PAK3: variants seen among roughly 807,000 people sequenced by gnomAD.
PAK3 encodes serine/threonine-protein kinase PAK 3.
In PAK3, 4 loss-of-function variants were observed where a neutral mutation model predicts 41.0. That is an observed-to-expected ratio of 0.10 (90% confidence interval 0.05 to 0.22). The LOEUF (loss-of-function observed/expected upper bound fraction) is 0.22, where lower values mean the gene tolerates loss of function less well. Ranked by LOEUF, PAK3 falls within the 10% of genes least tolerant of loss-of-function variation. The pLI, the probability that PAK3 is intolerant of heterozygous loss-of-function variation, is 1.00. For synonymous variants in PAK3, 146 were observed against 139.6 expected, an observed-to-expected ratio of 1.05 and a Z score of -0.32; for missense variants, 205 against 409.9, an observed-to-expected ratio of 0.50 and a Z score of 4.32.
At chrX:110,988,370 G>T (rs2091584480) in intron 1 of PAK3, among the ~76,000 whole-genome samples, 1 of 111,185 alleles carries the variant, frequency 9.0e-6, no homozygotes, top group African/African-American at 3.3e-5. Context: ...GAAATAACAG[G>T]GTACACTGCA....
chrX:111,043,844 G>C (rs7060284), intron 1 of PAK3, among the ~76,000 whole-genome samples: 3,216 of 110,903 alleles, frequency 0.029, 106 homozygotes, highest in African/African-American at 0.099. Context: ...ATTGGATCTG[G>C]ACTATGATTT....
At chrX:111,003,070 A>G (rs2091872858) in intron 1 of PAK3, among the ~76,000 whole-genome samples, 1 of 111,881 alleles carries the variant, frequency 8.9e-6, no homozygotes, top group Non-Finnish European at 1.9e-5. Context: ...ACTGGTCTAG[A>G]CTGACAAGCA....
chrX:111,223,962 T>G lies in PAK3; in HGVS notation c.*3515T>G, dbSNP rs2094940389. 1.8e-5 allele frequency: 2 copies of G among 111,943 alleles called. No individual in the cohort carries two copies. The highest frequency in any genetic ancestry group is 1.9e-4 in the Admixed American group (2 of 10,538). The allele number at this position is 111,943 out of a possible 1,213,427, so 9.2% of individuals were successfully genotyped here. On this transcript the variant is annotated 3_prime_UTR_variant, in exon 18 of 18. Transcript: ENST00000372007. ...TTTTTTTTCTTTTTAAAATTTTATT[T>G]GATATTGTTATAATATTGCTTTACA...
rs187331053 is a variant in PAK3 at position 111,219,235 on chromosome X, T to G, written c.1546-1123T>G. Among the ~76,000 whole-genome samples the G allele has an allele frequency of 3.8e-3, 387 of 102,406 alleles. 5 individuals carry two copies. The highest frequency in any genetic ancestry group is 0.013 in the African/African-American group (359 of 27,198). The allele number at this position is 102,406 out of a possible 115,157, so 88.9% of individuals were successfully genotyped here. A position where few individuals can be genotyped will look rare whatever the true frequency, so the allele number is the denominator to read the frequency against. On this transcript the variant is annotated intron_variant, in intron 17 of 17. Coordinates refer to ENST00000372007, the MANE Select transcript of PAK3 (RefSeq NM_002578.5). ...ATAATAATAATAATAATAATAATAA[T>G]AAGCAAGAGATAAATGTAAGAGACG...
rs374541387 is a variant in PAK3 at position 111,096,421 on chromosome X, T to A, written c.-353+6T>A. ...GGTGGCTGGATCCGTGGCAGGTAAA[T>A]CCCGCGACTAACTGCACCCGGGCTA... is the stretch of plus-strand genomic sequence containing the variant. On this transcript the variant is annotated splice_donor_region_variant and intron_variant, in intron 1 of 17. Transcript: ENST00000372007. 22 of 110,744 alleles carry A rather than the reference T, an allele frequency of 2.0e-4. No individual in the cohort carries two copies. The highest frequency in any genetic ancestry group is 6.3e-4 in the African/African-American group (19 of 30,273). The allele number at this position is 110,744 out of a possible 1,213,427, so 9.1% of individuals were successfully genotyped here.
At chrX:111,162,265 T>G (rs749735558) in intron 8 of PAK3, among the ~76,000 whole-genome samples, 1 of 111,933 alleles carries the variant, frequency 8.9e-6, no homozygotes, top group Non-Finnish European at 1.9e-5. Flanking sequence ...CACAATACTG[T>G]CGTATTATTG....
chrX:111,051,370 G>T (rs2092556204), intron 1 of PAK3, among the ~76,000 whole-genome samples: 1 of 111,671 alleles, frequency 9.0e-6, no homozygotes, highest in Non-Finnish European at 1.9e-5. Context: ...TTGTCTAGCG[G>T]AAGCCTTTCC....
intron 5 of PAK3, among the ~76,000 whole-genome samples, chrX:111,140,991 A>G (rs2093863041): frequency 8.9e-6 from 1 of 112,213 alleles, no homozygotes; most frequent in Non-Finnish European, 1.9e-5. Context: ...GAATGTTCTA[A>G]ATTGACCGCC....
chrX:111,055,144 C>T (rs1418930480), intron 1 of PAK3, among the ~76,000 whole-genome samples: 3 of 111,908 alleles, frequency 2.7e-5, no homozygotes, highest in Admixed American at 9.4e-5. Context: ...GACTCTTTGC[C>T]TTGAGGCAAT....
At chrX:111,183,940 G>A (rs950119291) in intron 11 of PAK3, among the ~76,000 whole-genome samples, 1 of 111,486 alleles carries the variant, frequency 9.0e-6, no homozygotes, top group Non-Finnish European at 1.9e-5. Context: ...TGTTGGTTTA[G>A]TATTCTTTAA....
At chrX:110,975,279 A>G (rs931493218) in intron 1 of PAK3, among the ~76,000 whole-genome samples, 2 of 112,320 alleles carry the variant, frequency 1.8e-5, no homozygotes, top group Non-Finnish European at 3.8e-5. Context: ...TACAAAATCA[A>G]TGTGCAAAAA....
intron 12 of PAK3, 89 bp from the exon 13 acceptor site, chrX:111,192,417 G>C: frequency 1.7e-6 from 1 of 582,606 alleles, no homozygotes; most frequent in Non-Finnish European, 3.0e-6. Flanking sequence ...TAAAGAATGT[G>C]TATGTTTCAC....
intron 1 of PAK3, among the ~76,000 whole-genome samples, chrX:110,953,197 T>C (rs5985568): frequency 2.7e-5 from 3 of 111,679 alleles, no homozygotes; most frequent in Non-Finnish European, 5.6e-5. Flanking sequence ...AATCCAAAAA[T>C]AAAAACCTCA....
chrX:110,968,448 A>T (rs2091127738), intron 1 of PAK3, among the ~76,000 whole-genome samples: 1 of 112,623 alleles, frequency 8.9e-6, no homozygotes, highest in Non-Finnish European at 1.9e-5. Context: ...TTTCAGGAAC[A>T]ATGTATCAGT....
At chrX:111,002,873 T>G (rs1170498794) in intron 1 of PAK3, among the ~76,000 whole-genome samples, 1 of 111,277 alleles carries the variant, frequency 9.0e-6, no homozygotes, top group Admixed American at 9.6e-5. Flanking sequence ...TCCTTTTGAG[T>G]GAAGCTACTG....
At chrX:110,986,563 T>C (rs1472339371) in intron 1 of PAK3, among the ~76,000 whole-genome samples, 2 of 111,981 alleles carry the variant, frequency 1.8e-5, no homozygotes. Context: ...GAGGCCAGTT[T>C]ACCCCTTCAT....
intron 16 of PAK3, among the ~76,000 whole-genome samples, chrX:111,209,404 G>T (rs528977030): frequency 8.9e-6 from 1 of 112,088 alleles, no homozygotes; most frequent in African/African-American, 3.2e-5. Flanking sequence ...CAAGCTAATA[G>T]TATCATTCAG....
At position 111,154,511 on chromosome X, in the gene PAK3, G is replaced by A. The variant is rs190253269; in HGVS notation, c.468+2064G>A. 2.2e-4 allele frequency among the ~76,000 whole-genome samples: 25 copies of A among 111,183 alleles called. 1 individual carries two copies. The East Asian group carries it at 2.8e-3, about 13-fold the overall frequency. On this transcript the variant is annotated intron_variant, in intron 8 of 17. Transcript: ENST00000372007. Reference sequence around the variant, plus strand: ...TATTAAATGTGATAATGTACATAAAGTACTTAGTATAGTACTTAGCACATA... The same window carrying A: ...TATTAAATGTGATAATGTACATAAAATACTTAGTATAGTACTTAGCACATA...
intron 10 of PAK3, among the ~76,000 whole-genome samples, chrX:111,171,331 A>T (rs1475456337): frequency 1.8e-5 from 2 of 111,486 alleles, no homozygotes; most frequent in Non-Finnish European, 3.8e-5. Flanking sequence ...AGATAATAAT[A>T]CTGACATGTT....
Sources: allele counts gnomAD v4.1 joint callset (sites outside exome capture counted in the v4.1 genomes callset), GRCh38; gene constraint gnomAD v4.1.1; transcripts MANE v1.5; gene names NCBI Gene and HGNC (gene_info 2026-07-23, HGNC 2026-07-21).